Variants in OPCML observed in about 807,000 individuals in gnomAD.
The protein encoded by OPCML is opioid-binding protein/cell adhesion molecule.
OPCML carries 13 observed loss-of-function variants against 37.8 expected under a neutral mutation model. The ratio of observed to expected loss-of-function variants is 0.34; its 90% confidence interval spans 0.22 to 0.55. OPCML has a LOEUF of 0.55. Among genes scored for constraint, OPCML ranks in the 20% least tolerant of loss-of-function variants. The pLI, the probability that OPCML is intolerant of heterozygous loss-of-function variation, is 0.91. For synonymous variants in OPCML, 176 were observed against 168.8 expected (o/e 1.04, Z -0.33); for missense variants, 341 against 435.6 (o/e 0.78, Z 1.93).
chr11:132,749,945 C>G (rs1029216245), intron 2 of OPCML, among the ~76,000 whole-genome samples: 2 of 151,986 alleles, frequency 1.3e-5, no homozygotes, highest in African/African-American at 4.8e-5. Context: ...TGCCATGGTG[C>G]GATCTCAGCT....
chr11:133,369,398 A>G (rs1179791114), intron 1 of OPCML, among the ~76,000 whole-genome samples: 1 of 152,224 alleles, frequency 6.6e-6, no homozygotes, highest in Non-Finnish European at 1.5e-5. Flanking sequence ...AAGCTCCCCA[A>G]AAGAAATTTC....
chr11:133,182,968 A>G (rs1192697644), intron 1 of OPCML, among the ~76,000 whole-genome samples: 1 of 152,114 alleles, frequency 6.6e-6, no homozygotes, highest in Non-Finnish European at 1.5e-5. Context: ...ATGAGGACTC[A>G]AGTGTGTCAA....
intron 1 of OPCML, among the ~76,000 whole-genome samples, chr11:133,419,851 C>T (rs926895314): frequency 7.2e-5 from 11 of 152,130 alleles, no homozygotes; most frequent in African/African-American, 2.7e-4. Context: ...TATTCAAAAC[C>T]TATTATCTAA....
At chr11:133,094,196 G>T (rs1948962063) in intron 1 of OPCML, among the ~76,000 whole-genome samples, 6 of 152,132 alleles carry the variant, frequency 3.9e-5, no homozygotes, top group Admixed American at 3.9e-4. Context: ...TTTGAGGTTT[G>T]CAGATCAAAG....
At chr11:132,489,603 G>A (rs902843086) in intron 4 of OPCML, among the ~76,000 whole-genome samples, 5 of 152,098 alleles carry the variant, frequency 3.3e-5, no homozygotes, top group Non-Finnish European at 7.4e-5. Flanking sequence ...ATGTCACTAG[G>A]CAACTGTGAG....
intron 1 of OPCML, among the ~76,000 whole-genome samples, chr11:133,092,458 C>T (rs183704358): frequency 9.9e-5 from 15 of 152,174 alleles, no homozygotes; most frequent in Admixed American, 9.2e-4. Flanking sequence ...TGTGGTGGCT[C>T]ATGCCTGTAA....
At chr11:132,623,210 A>T (rs777651950) in intron 3 of OPCML, among the ~76,000 whole-genome samples, 3 of 152,180 alleles carry the variant, frequency 2.0e-5, no homozygotes, top group Non-Finnish European at 4.4e-5. Flanking sequence ...CCCCTGAGGC[A>T]GAGCACATAA....
chr11:132,948,910 T>C (rs1193080539), intron 1 of OPCML, among the ~76,000 whole-genome samples: 2 of 152,220 alleles, frequency 1.3e-5, no homozygotes, highest in Non-Finnish European at 2.9e-5. Flanking sequence ...TATGACAATT[T>C]GTAACAGAAA....
At chr11:132,914,062 C>T (rs1411672003) in intron 2 of OPCML, among the ~76,000 whole-genome samples, 1 of 152,240 alleles carries the variant, frequency 6.6e-6, no homozygotes, top group Non-Finnish European at 1.5e-5. Flanking sequence ...TATAATCCAT[C>T]TCACTGCTCT....
chr11:133,299,384 C>T (rs893331908), intron 1 of OPCML: 1 of 152,278 alleles, frequency 6.6e-6, no homozygotes, highest in Non-Finnish European at 1.5e-5. Flanking sequence ...GGTTGAAGCT[C>T]TGAGGCCAAT....
intron 3 of OPCML, among the ~76,000 whole-genome samples, chr11:132,551,104 C>T (rs557413303): frequency 2.7e-4 from 41 of 152,280 alleles, no homozygotes; most frequent in African/African-American, 8.2e-4. Context: ...AAATAGAGTT[C>T]TGTGAGTTAC....
At position 133,499,797 on chromosome 11, in the gene OPCML, T is replaced by C. The variant is rs937886052; in HGVS notation, c.61+32467A>G. 2.9e-4 allele frequency among the ~76,000 whole-genome samples: 42 copies of C among 143,106 alleles called. 1 individual carries two copies. The highest frequency in any genetic ancestry group is 1.1e-3 in the African/African-American group (40 of 37,962). 93.9% of individuals were successfully genotyped at this position (143,106 alleles called of 152,430 possible). A position where few individuals can be genotyped will look rare whatever the true frequency, so the allele number is the denominator to read the frequency against. On this transcript the variant is annotated intron_variant, in intron 1 of 7. Coordinates refer to ENST00000524381, the MANE Select transcript of OPCML (RefSeq NM_001012393.5). ...ATATATATATATATATACACATATA[T>C]ATATGTGTGTGTATATATATATACA...
At chr11:133,486,761 G>C (rs946897473) in intron 1 of OPCML, among the ~76,000 whole-genome samples, 3 of 152,040 alleles carry the variant, frequency 2.0e-5, no homozygotes, top group Non-Finnish European at 2.9e-5. Context: ...TACACACAGA[G>C]TATGCGGCCA....
At position 132,644,316 on chromosome 11, in the gene OPCML, GTC is replaced by G. The variant is rs1941027950; in HGVS notation, c.379+12769_379+12770del. 2.0e-5 allele frequency among the ~76,000 whole-genome samples: 3 copies of G among 152,036 alleles called. No homozygotes were observed. In the South Asian group the frequency reaches 6.2e-4, roughly 32 times the overall value. On this transcript the variant is annotated intron_variant, in intron 3 of 7. Transcript: ENST00000524381. ...CAGCTCTGTTAATCACCCTTCATCT[GTC>G]AATCAGAGGGAACTCCTTCTCTGCT...
chr11:132,897,191 C>A (rs2136483296), intron 2 of OPCML, among the ~76,000 whole-genome samples: 1 of 152,296 alleles, frequency 6.6e-6, no homozygotes, highest in South Asian at 2.1e-4. Flanking sequence ...TGGCAGGGTG[C>A]TGTAGAAGAA....
chr11:132,585,247 G>A lies in OPCML; in HGVS notation c.380-56061C>T, dbSNP rs115241205. ...TGGTCTCAAATTCTACTGGGAAGTA[G>A]CAGAACAGAGGGTTTTGCAAGATGG... On this transcript the variant is annotated intron_variant, in intron 3 of 7. Coordinates refer to ENST00000524381, the MANE Select transcript of OPCML (RefSeq NM_001012393.5). 4.0e-3 allele frequency among the ~76,000 whole-genome samples: 606 copies of A among 152,172 alleles called. 1 individual carries two copies. Among genetic ancestry groups the A allele is most frequent in the African/African-American group, 0.014 (574 of 41,520 alleles).
intron 3 of OPCML, among the ~76,000 whole-genome samples, chr11:132,556,699 C>G (rs1056885946): frequency 6.6e-6 from 1 of 152,154 alleles, no homozygotes; most frequent in Non-Finnish European, 1.5e-5. Context: ...GCCACTTTCT[C>G]CTTCCAGAAC....
chr11:132,499,265 T>A (rs1329921238), intron 4 of OPCML, among the ~76,000 whole-genome samples: 1 of 152,160 alleles, frequency 6.6e-6, no homozygotes, highest in Non-Finnish European at 1.5e-5. Context: ...AGAGGAGCAG[T>A]CTGCAAAGAC....
chr11:132,713,957 TA>T (rs1422791878), intron 2 of OPCML, among the ~76,000 whole-genome samples: 3 of 152,178 alleles, frequency 2.0e-5, no homozygotes, highest in Non-Finnish European at 4.4e-5. Context: ...TTCATTGCAA[TA>T]AAAACAACCT....
Sources: gnomAD v4.1 joint callset for allele counts (sites outside exome capture counted in the v4.1 genomes callset) on GRCh38, gnomAD v4.1.1 for gene constraint, MANE v1.5 for transcripts, NCBI Gene and HGNC (gene_info 2026-07-23, HGNC 2026-07-21) for gene names.